The following SPIRE1 variants were observed in gnomAD, a reference collection of about 807,000 sequenced individuals.
SPIRE1 encodes the protein protein spire homolog 1.
A neutral mutation model predicts 94.1 loss-of-function variants in SPIRE1; 40 were observed. The ratio of observed to expected loss-of-function variants is 0.43; its 90% CI spans 0.33 to 0.55. The LOEUF (loss-of-function observed/expected upper bound fraction) is 0.55. SPIRE1 is among the 20% of genes least tolerant of loss of function. The pLI is 0.06. For missense variants in SPIRE1, 838 were observed against 975.2 expected, an observed-to-expected ratio of 0.86 and a Z score of 1.87; for synonymous variants, 376 against 371.7, an observed-to-expected ratio of 1.01 and a Z score of -0.13.
intron 1 of SPIRE1, among the ~76,000 whole-genome samples, chr18:12,639,435 G>A (rs1295853685): frequency 6.6e-6 from 1 of 152,112 alleles, no homozygotes; most frequent in Admixed American, 6.6e-5. Context: ...AGAAGCTGTT[G>A]TTGAATTGAG....
chr18:12,654,310 C>T (rs1358748798), intron 1 of SPIRE1, among the ~76,000 whole-genome samples: 1 of 136,640 alleles, frequency 7.3e-6, no homozygotes, highest in African/African-American at 2.8e-5. Flanking sequence ...GCACTCCAGC[C>T]TGGGCGACAA....
intron 1 of SPIRE1, among the ~76,000 whole-genome samples, chr18:12,648,303 A>C (rs1005154732): frequency 3.3e-5 from 5 of 152,168 alleles, no homozygotes; most frequent in Non-Finnish European, 7.3e-5. Context: ...ACACTGTCTT[A>C]ATCAAGTGTC....
rs1000495512 is a variant in SPIRE1 at position 12,633,904 on chromosome 18, T to C, written c.372+1158A>G. ...GCTTGAAATCCCTGCAATGAACACA[T>C]AGAAACCCCTTAAATTTCACAATCA... is the stretch of plus-strand genomic sequence containing the variant. On this transcript the variant is annotated intron_variant, in intron 2 of 16. Coordinates refer to ENST00000409402, the MANE Select transcript of SPIRE1 (RefSeq NM_001128626.2). Among the ~76,000 whole-genome samples, 9 of 152,188 alleles carry C rather than the reference T, an allele frequency of 5.9e-5. No homozygotes were observed. In the East Asian group the frequency reaches 7.7e-4, roughly 13 times the overall value.
chr18:12,651,400 G>T (rs776207261), intron 1 of SPIRE1, among the ~76,000 whole-genome samples: 1 of 152,044 alleles, frequency 6.6e-6, no homozygotes. Context: ...TTTTTTGCTG[G>T]GTGCGGTGGC....
chr18:12,657,194 C>T (rs1245536574), intron 1 of SPIRE1, among the ~76,000 whole-genome samples: 1 of 151,072 alleles, frequency 6.6e-6, no homozygotes, highest in African/African-American at 2.4e-5. Flanking sequence ...CGGAGCAGGG[C>T]CCAGCCCACC....
intron 12 of SPIRE1, among the ~76,000 whole-genome samples, chr18:12,461,433 T>C (rs577531283): frequency 2.1e-5 from 3 of 142,584 alleles, no homozygotes; most frequent in Non-Finnish European, 3.0e-5. Flanking sequence ...TGTGTGTATG[T>C]ATGTATATAC....
At chr18:12,546,580 G>A (rs1045172852) in intron 3 of SPIRE1, 94 bp downstream of exon 3, 4 of 945,322 alleles carry the variant, frequency 4.2e-6, no homozygotes, top group Middle Eastern at 3.3e-4. Flanking sequence ...TAGCCTGGGC[G>A]ACAGAGTGAG....
intron 2 of SPIRE1, among the ~76,000 whole-genome samples, chr18:12,581,103 A>T (rs2036246505): frequency 6.6e-6 from 1 of 152,186 alleles, no homozygotes; most frequent in Admixed American, 6.5e-5. Flanking sequence ...CAAACACTTT[A>T]CTGAGTTTCT....
At chr18:12,590,982 A>G (rs34814556) in intron 2 of SPIRE1, among the ~76,000 whole-genome samples, 52,498 of 152,116 alleles carry the variant, frequency 0.35, 10,617 homozygotes, top group East Asian at 0.59. Context: ...TACATATGAC[A>G]AAGTCTCTGA....
chr18:12,572,365 C>G (rs921745088), intron 2 of SPIRE1, among the ~76,000 whole-genome samples: 11 of 152,084 alleles, frequency 7.2e-5, no homozygotes, highest in Admixed American at 5.2e-4. Flanking sequence ...GTCCCAAACA[C>G]CTGGCCTTAA....
upstream of SPIRE1, chr18:12,658,873 G>A (rs991344917): frequency 3.5e-6 from 1 of 288,242 alleles, no homozygotes; most frequent in African/African-American, 2.2e-5. Flanking sequence ...ATAATTTGCA[G>A]GTGTTAGTTT....
intron 3 of SPIRE1, among the ~76,000 whole-genome samples, chr18:12,543,676 T>G (rs1240734774): frequency 6.6e-6 from 1 of 152,184 alleles, no homozygotes; most frequent in East Asian, 1.9e-4. Context: ...TAAAAGACTA[T>G]CCGGGACAAA....
chr18:12,469,711 T>C (rs1213064807), intron 10 of SPIRE1, among the ~76,000 whole-genome samples: 1 of 143,972 alleles, frequency 6.9e-6, no homozygotes, highest in East Asian at 2.0e-4. Flanking sequence ...TTTATATAAA[T>C]ATATTTATAT....
chr18:12,546,613 A>G lies in SPIRE1; in HGVS notation c.603+61T>C, dbSNP rs2035178568. On this transcript the variant is annotated intron_variant, in intron 3 of 16. Coordinates refer to ENST00000409402, the MANE Select transcript of SPIRE1 (RefSeq NM_001128626.2). ...GAGACCATCTCTCCAGGGGGGGAAA[A>G]AAAAGAAGAAGAAATAACAACTCTT... The G allele has an allele frequency of 1.2e-5, 16 of 1,340,946 alleles. 1 individual carries two copies. The highest frequency in any genetic ancestry group is 2.5e-4 in the Middle Eastern group (1 of 4,056). The allele number at this position is 1,340,946 out of a possible 1,614,324, so 83.1% of individuals were successfully genotyped here. A position where few individuals can be genotyped will look rare whatever the true frequency, so the allele number is the denominator to read the frequency against.
intron 4 of SPIRE1, among the ~76,000 whole-genome samples, chr18:12,528,326 T>C (rs2034583842): frequency 6.6e-6 from 1 of 152,134 alleles, no homozygotes. Flanking sequence ...AGTGTCACTG[T>C]TGTAAGTGAC....
intron 2 of SPIRE1, among the ~76,000 whole-genome samples, chr18:12,569,959 G>T (rs1241045623): frequency 6.6e-6 from 1 of 152,142 alleles, no homozygotes; most frequent in Non-Finnish European, 1.5e-5. Context: ...TCCTGTGTGG[G>T]GTCAACAGAC....
chr18:12,549,397 CTTCT>C (rs1466590309), intron 2 of SPIRE1, among the ~76,000 whole-genome samples: 2 of 132,232 alleles, frequency 1.5e-5, no homozygotes, highest in African/African-American at 2.9e-5. Flanking sequence ...TAACCCTCCC[CTTCT>C]TTTTTTGTTT....
intron 2 of SPIRE1, among the ~76,000 whole-genome samples, chr18:12,590,076 C>G (rs2036489052): frequency 6.9e-6 from 1 of 145,984 alleles, no homozygotes; most frequent in African/African-American, 2.5e-5. Context: ...TCCTAAAATG[C>G]CATCTCCTAA....
In SPIRE1 at chr18:12,541,609, A is replaced by G. The variant is rs552471164; in HGVS notation, c.603+5065T>C. On this transcript the variant is annotated intron_variant, in intron 3 of 16. Transcript: ENST00000409402. ...TGCTTTTTGCCTTTAGGTCCATTTT[A>G]TATTAAAATAATGTCTGTGATACTT... Among the ~76,000 whole-genome samples the G allele has an allele frequency of 9.5e-4, 145 of 152,188 alleles. 1 individual carries two copies. The highest frequency in any genetic ancestry group is 1.6e-3 in the Non-Finnish European group (106 of 68,000).
Sources: allele counts gnomAD v4.1 joint callset (sites outside exome capture counted in the v4.1 genomes callset), GRCh38; gene constraint gnomAD v4.1.1; transcripts MANE v1.5; gene names NCBI Gene and HGNC (gene_info 2026-07-23, HGNC 2026-07-21).